XIAP: variants seen among roughly 807,000 people sequenced by gnomAD.
XIAP encodes E3 ubiquitin-protein ligase XIAP.
A neutral mutation model predicts 33.1 loss-of-function variants in XIAP; 3 were observed. That is an observed-to-expected ratio of 0.09 (90% CI 0.04 to 0.23). XIAP has a LOEUF of 0.23. XIAP is among the 10% of genes least tolerant of loss of function. XIAP has a pLI of 1.00. For missense variants in XIAP, 264 were observed against 363.0 expected (o/e 0.73, Z 2.22); for synonymous variants, 98 against 121.3 (o/e 0.81, Z 1.26).
intron 1 of XIAP, among the ~76,000 whole-genome samples, chrX:123,870,306 AG>A (rs1278597478): frequency 2.7e-5 from 3 of 110,943 alleles, no homozygotes; most frequent in Admixed American, 9.7e-5. Context: ...TTAGTAGAGA[AG>A]TACTTACTTG....
intron 5 of XIAP, among the ~76,000 whole-genome samples, chrX:123,894,588 G>T (rs1212616083): frequency 9.0e-6 from 1 of 110,680 alleles, no homozygotes; most frequent in Non-Finnish European, 1.9e-5. Flanking sequence ...GGCCAACATG[G>T]TGAAACTCCG....
At chrX:123,894,331 A>T (rs747887340) in intron 5 of XIAP, among the ~76,000 whole-genome samples, 1 of 112,921 alleles carries the variant, frequency 8.9e-6, no homozygotes, top group African/African-American at 3.2e-5. Context: ...TAGGACCACA[A>T]GCAAGGTCTT....
At chrX:123,905,607 A>G (rs764509756) in intron 6 of XIAP, among the ~76,000 whole-genome samples, 4 of 111,885 alleles carry the variant, frequency 3.6e-5, no homozygotes, top group Non-Finnish European at 5.6e-5. Flanking sequence ...TTACTTGTCT[A>G]TGAACTATTG....
chrX:123,902,788 C>T (rs766476264), intron 6 of XIAP, among the ~76,000 whole-genome samples: 1 of 111,734 alleles, frequency 8.9e-6, no homozygotes, highest in African/African-American at 3.2e-5. Flanking sequence ...ATCTGTCTTT[C>T]CATATGAATC....
At chrX:123,892,686 T>C (rs767085851) in intron 4 of XIAP, 45 bp from the exon 5 acceptor site, 1 of 1,086,575 alleles carries the variant, frequency 9.2e-7, no homozygotes, top group South Asian at 1.9e-5. Context: ...AATGATTGCC[T>C]CTACCAAAAA....
At position 123,908,840 on chromosome X, in the gene XIAP, G is replaced by A. The variant is rs1278271481; in HGVS notation, c.*1659G>A. The stretch of plus-strand genomic sequence containing the variant: ...AGAACGTCCAGGGTTTACATTACAA[G>A]ATTCTCACAACAAACCTATTGTAGA... On this transcript the variant is annotated 3_prime_UTR_variant, in exon 7 of 7. Transcript: ENST00000371199. The A allele has an allele frequency of 2.9e-6, 1 of 349,342 alleles. No homozygotes were observed. The highest frequency in any genetic ancestry group is 2.6e-5 in the South Asian group (1 of 38,411). 28.8% of individuals were successfully genotyped at this position (349,342 alleles called of 1,213,427 possible). A position where few individuals can be genotyped will look rare whatever the true frequency, so the allele number is the denominator to read the frequency against.
In XIAP at chrX:123,908,276, T is replaced by C; in HGVS notation, c.*1095T>C. On this transcript the variant is annotated 3_prime_UTR_variant, in exon 7 of 7. Coordinates refer to ENST00000371199, the MANE Select transcript of XIAP (RefSeq NM_001167.4). The stretch of plus-strand genomic sequence containing the variant: ...TTCTGAGTGGTAGTTTTTTGACAGG[T>C]AGACCATGTCTTATCTTGTTTCAAA... 1 of 363,861 alleles carries C rather than the reference T, an allele frequency of 2.7e-6. No individual in the cohort carries two copies. The highest frequency in any genetic ancestry group is 5.2e-6 in the Non-Finnish European group (1 of 191,402). 30.0% of individuals were successfully genotyped at this position (363,861 alleles called of 1,213,427 possible). A position where few individuals can be genotyped will look rare whatever the true frequency, so the allele number is the denominator to read the frequency against.
In XIAP at chrX:123,908,715, A is replaced by T; in HGVS notation, c.*1534A>T. The T allele has an allele frequency of 2.9e-6, 1 of 347,808 alleles. No individual in the cohort carries two copies. Among genetic ancestry groups the T allele is most frequent in the Non-Finnish European group, 5.4e-6 (1 of 184,065 alleles). The allele number at this position is 347,808 out of a possible 1,213,427, so 28.7% of individuals were successfully genotyped here. A position where few individuals can be genotyped will look rare whatever the true frequency, so the allele number is the denominator to read the frequency against. ...CTTAAAACCTCTTGGAAATTATAAA[A>T]ATATTGGCAAGAAAAGAAGAATAGT... On this transcript the variant is annotated 3_prime_UTR_variant, in exon 7 of 7. Transcript: ENST00000371199.
At chrX:123,881,393 T>C (rs994799404) in intron 1 of XIAP, among the ~76,000 whole-genome samples, 2 of 111,484 alleles carry the variant, frequency 1.8e-5, no homozygotes, top group African/African-American at 6.5e-5. Context: ...TATCTTACCC[T>C]TTTTGTTTGG....
chrX:123,868,141 G>A (rs1337123013), intron 1 of XIAP, among the ~76,000 whole-genome samples: 1 of 110,127 alleles, frequency 9.1e-6, no homozygotes, highest in Non-Finnish European at 1.9e-5. Flanking sequence ...GGGCAACATC[G>A]TGAGACCCCG....
At chrX:123,892,997 T>G (rs1280842859) in intron 5 of XIAP, among the ~76,000 whole-genome samples, 1 of 109,110 alleles carries the variant, frequency 9.2e-6, no homozygotes, top group East Asian at 3.0e-4. Context: ...ACTTTTTATA[T>G]TTTTAGTAGA....
intron 1 of XIAP, among the ~76,000 whole-genome samples, chrX:123,876,207 G>A (rs1170479819): frequency 2.1e-5 from 2 of 96,678 alleles, no homozygotes; most frequent in African/African-American, 7.8e-5. Context: ...GCCACCGCAT[G>A]TGACCTCATG....
chrX:123,861,699 T>G (rs1445670441), intron 1 of XIAP, among the ~76,000 whole-genome samples: 4 of 109,686 alleles, frequency 3.6e-5, no homozygotes, highest in Admixed American at 9.9e-5. Flanking sequence ...CACAAATATA[T>G]ATATCAACAT....
At chrX:123,890,545 A>T (rs1268212275) in intron 3 of XIAP, among the ~76,000 whole-genome samples, 1 of 106,510 alleles carries the variant, frequency 9.4e-6, no homozygotes, top group Non-Finnish European at 1.9e-5. Flanking sequence ...TAAGAGGATC[A>T]CTTGAGCTGG....
In XIAP at chrX:123,913,470, AAAAAC is replaced by A. The variant is rs750273272; in HGVS notation, c.*6304_*6308del. On this transcript the variant is annotated 3_prime_UTR_variant, in exon 7 of 7. Transcript: ENST00000371199. ...AGGTGATAGAGTGAGACTCCCTCTCAAAAACAAAACAAAACAAAAAAATTAGACAA... is the reference window on the plus strand; with the variant it reads ...AGGTGATAGAGTGAGACTCCCTCTCAAAAACAAAACAAAAAAATTAGACAA... 9 of 327,649 alleles carry A rather than the reference AAAAAC, an allele frequency of 2.7e-5. No individual in the cohort carries two copies. The highest frequency in any genetic ancestry group is 1.0e-4 in the South Asian group (4 of 38,327). 27.0% of individuals were successfully genotyped at this position (327,649 alleles called of 1,213,427 possible). A position where few individuals can be genotyped will look rare whatever the true frequency, so the allele number is the denominator to read the frequency against.
At position 123,910,512 on chromosome X, in the gene XIAP, A is replaced by G. The variant is rs997567358; in HGVS notation, c.*3331A>G. On this transcript the variant is annotated 3_prime_UTR_variant, in exon 7 of 7. Coordinates refer to ENST00000371199, the MANE Select transcript of XIAP (RefSeq NM_001167.4). ...TGATTACACAGGTGTTGAATGGGGA[A>G]AGGGGCTAGTATATCAGTAGGATAT... is the stretch of plus-strand genomic sequence containing the variant. The G allele has an allele frequency of 4.6e-5, 15 of 327,369 alleles. No individual in the cohort carries two copies. Among genetic ancestry groups the G allele is most frequent in the Non-Finnish European group, 8.3e-5 (14 of 169,643 alleles). 27.0% of individuals were successfully genotyped at this position (327,369 alleles called of 1,213,427 possible).
chrX:123,867,979 A>T (rs7051932), intron 1 of XIAP, among the ~76,000 whole-genome samples: 42,599 of 110,462 alleles, frequency 0.39, 6,253 homozygotes, highest in African/African-American at 0.49. Flanking sequence ...CCCAGCCTGA[A>T]GTCTTTCAAA....
rs1462902345 is a variant in XIAP, at chrX:123,909,606, C to T, written c.*2425C>T. ...TCAATCTAGTTGTTAGCCAAGGACT[C>T]AAGGACTGAATTGTTTTAACATAAG... On this transcript the variant is annotated 3_prime_UTR_variant, in exon 7 of 7. Coordinates refer to ENST00000371199, the MANE Select transcript of XIAP (RefSeq NM_001167.4). 2 of 327,448 alleles carry T rather than the reference C, an allele frequency of 6.1e-6. No individual in the cohort carries two copies. Among genetic ancestry groups the T allele is most frequent in the East Asian group, 1.9e-4 (2 of 10,270 alleles). 27.0% of individuals were successfully genotyped at this position (327,448 alleles called of 1,213,427 possible). A position where few individuals can be genotyped will look rare whatever the true frequency, so the allele number is the denominator to read the frequency against.
chrX:123,904,472 C>G (rs2053542777), intron 6 of XIAP, among the ~76,000 whole-genome samples: 1 of 111,393 alleles, frequency 9.0e-6, no homozygotes, highest in East Asian at 2.8e-4. Context: ...CACTCTACCC[C>G]CAACTCCCTG....
Sources: allele counts gnomAD v4.1 joint callset (sites outside exome capture counted in the v4.1 genomes callset), GRCh38; gene constraint gnomAD v4.1.1; transcripts MANE v1.5; gene names NCBI Gene and HGNC (gene_info 2026-07-23, HGNC 2026-07-21).